The following ADGRA3 variants were observed in gnomAD, a reference collection of about 807,000 sequenced individuals.
ADGRA3 encodes G-protein coupled receptor 125.
A neutral mutation model predicts 119.8 loss-of-function variants in ADGRA3; 56 were observed. That is an observed-to-expected ratio of 0.47 (90% CI 0.38 to 0.58). The LOEUF (loss-of-function observed/expected upper bound fraction) is 0.58, where lower values mean the gene tolerates loss of function less well. ADGRA3 is among the 20% of genes least tolerant of loss of function. The probability of loss-of-function intolerance (pLI) is 0.00; values close to 1 mark genes in which losing one functional copy is unlikely to be tolerated. For missense variants in ADGRA3, 1,516 were observed against 1,649.0 expected, an observed-to-expected ratio of 0.92 and a Z score of 1.40; for synonymous variants, 607 against 623.8, an observed-to-expected ratio of 0.97 and a Z score of 0.40.
Position 22,387,632 on chromosome 4 carries a change from T to C in ADGRA3, c.*73A>G, listed in dbSNP as rs1380795518. On this transcript the variant is annotated 3_prime_UTR_variant, in exon 19 of 19. Coordinates refer to ENST00000334304, the MANE Select transcript of ADGRA3 (RefSeq NM_145290.4). ...TCCCTATGGTGGCTGTAAACAGTTT[T>C]TAAATGCTCATAGCTTCAAGGAATG... 2 of 1,439,586 alleles carry C rather than the reference T, an allele frequency of 1.4e-6. No homozygotes were observed. The highest frequency in any genetic ancestry group is 2.8e-5 in the African/African-American group (2 of 70,284). 89.2% of individuals were successfully genotyped at this position (1,439,586 alleles called of 1,614,324 possible). A position where few individuals can be genotyped will look rare whatever the true frequency, so the allele number is the denominator to read the frequency against.
At chr4:22,502,320 T>C (rs1290779441) in intron 1 of ADGRA3, among the ~76,000 whole-genome samples, 6 of 152,198 alleles carry the variant, frequency 3.9e-5, no homozygotes, top group Admixed American at 1.3e-4. Flanking sequence ...TAAAATGGTC[T>C]AATCTAGGCA....
chr4:22,494,277 T>C (rs1025220600), intron 1 of ADGRA3, among the ~76,000 whole-genome samples: 2 of 151,766 alleles, frequency 1.3e-5, no homozygotes, highest in Non-Finnish European at 2.9e-5. Flanking sequence ...CATGACAGTT[T>C]ACAGATGCCA....
Position 22,399,806 on chromosome 4 carries a change from G to A in ADGRA3, c.2481+1625C>T, listed in dbSNP as rs527919168. ...TTTATTAGTGTCTTGTCTTTCTTTG[G>A]TCATTTATTTTCACATAAATTTAAA... On this transcript the variant is annotated intron_variant, in intron 16 of 18. Coordinates refer to ENST00000334304, the MANE Select transcript of ADGRA3 (RefSeq NM_145290.4). 2.7e-5 allele frequency among the ~76,000 whole-genome samples: 4 copies of A among 149,754 alleles called. No individual in the cohort carries two copies. In the East Asian group the frequency reaches 6.4e-4, roughly 24 times the overall value.
Position 22,462,458 on chromosome 4 carries a change from C to T in ADGRA3, c.330-650G>A, listed in dbSNP as rs895874616. On this transcript the variant is annotated intron_variant, in intron 2 of 18. Transcript: ENST00000334304. Reference sequence around the variant, plus strand: ...CCTCCTGAGTAGAGAGGGTTACAGGCGCCTGTCACCATACCCGGCTAATTT... The same window carrying T: ...CCTCCTGAGTAGAGAGGGTTACAGGTGCCTGTCACCATACCCGGCTAATTT... Among the ~76,000 whole-genome samples, 9 of 152,018 alleles carry T rather than the reference C, an allele frequency of 5.9e-5. No individual in the cohort carries two copies. In the South Asian group the frequency reaches 1.7e-3, roughly 28 times the overall value.
chr4:22,512,679 A>C (rs1277325898), intron 1 of ADGRA3, among the ~76,000 whole-genome samples: 1 of 152,160 alleles, frequency 6.6e-6, no homozygotes, highest in Non-Finnish European at 1.5e-5. Flanking sequence ...ATGCTGCCCC[A>C]AGCCAAGGAA....
chr4:22,501,828 A>G (rs907947177), intron 1 of ADGRA3, among the ~76,000 whole-genome samples: 2 of 152,180 alleles, frequency 1.3e-5, no homozygotes, highest in Non-Finnish European at 2.9e-5. Flanking sequence ...TTAAAAAAAA[A>G]GTATTACAAA....
At chr4:22,467,848 A>G (rs1717715400) in intron 2 of ADGRA3, among the ~76,000 whole-genome samples, 1 of 152,220 alleles carries the variant, frequency 6.6e-6, no homozygotes, top group Non-Finnish European at 1.5e-5. Context: ...TGGATCATTA[A>G]AGCATAAATG....
At chr4:22,491,200 G>C (rs1383305451) in intron 1 of ADGRA3, among the ~76,000 whole-genome samples, 1 of 152,176 alleles carries the variant, frequency 6.6e-6, no homozygotes, top group Non-Finnish European at 1.5e-5. Flanking sequence ...TTAAATGTAA[G>C]GCTGTTAAAA....
intron 1 of ADGRA3, among the ~76,000 whole-genome samples, chr4:22,482,870 T>C (rs1718299278): frequency 2.0e-5 from 3 of 152,176 alleles, no homozygotes; most frequent in South Asian, 2.1e-4. Flanking sequence ...AAGAGGGCCT[T>C]GGGGCAGGAG....
At chr4:22,474,444 A>G (rs1717965896) in intron 1 of ADGRA3, among the ~76,000 whole-genome samples, 1 of 152,182 alleles carries the variant, frequency 6.6e-6, no homozygotes, top group Admixed American at 6.5e-5. Flanking sequence ...TAAATTGAAA[A>G]CAAAAACTGA....
intron 16 of ADGRA3, 95 bp downstream of exon 16, chr4:22,401,336 A>C: frequency 9.2e-7 from 1 of 1,083,568 alleles, no homozygotes; most frequent in Non-Finnish European, 1.3e-6. Flanking sequence ...AGTTAAAGAA[A>C]AGGTATTAAA....
At chr4:22,403,473 C>T (rs1271135804) in intron 14 of ADGRA3, among the ~76,000 whole-genome samples, 4 of 152,008 alleles carry the variant, frequency 2.6e-5, no homozygotes, top group African/African-American at 9.7e-5. Context: ...CACAGTGGCT[C>T]GCACCTGTAA....
chr4:22,404,584 G>A (rs565095511), intron 14 of ADGRA3, among the ~76,000 whole-genome samples: 27 of 152,124 alleles, frequency 1.8e-4, no homozygotes, highest in Non-Finnish European at 3.2e-4. Flanking sequence ...CCATGGTCAG[G>A]CACAGTACCA....
At chr4:22,464,378 T>A (rs544804254) in intron 2 of ADGRA3, among the ~76,000 whole-genome samples, 3 of 152,166 alleles carry the variant, frequency 2.0e-5, no homozygotes, top group Non-Finnish European at 4.4e-5. Flanking sequence ...GAAATACATT[T>A]AAATGGTCAG....
At chr4:22,459,964 G>A (rs1264006848) in intron 3 of ADGRA3, among the ~76,000 whole-genome samples, 3 of 152,118 alleles carry the variant, frequency 2.0e-5, no homozygotes, top group African/African-American at 7.2e-5. Context: ...GTCCCTGACC[G>A]GCCTGATCTC....
rs532513035 is a variant in ADGRA3 at position 22,471,700 on chromosome 4, A to C, written c.329+2072T>G. Among the ~76,000 whole-genome samples the C allele has an allele frequency of 2.2e-4, 33 of 151,902 alleles. No individual in the cohort carries two copies. The South Asian group carries it at 6.2e-3, about 29-fold the overall frequency. On this transcript the variant is annotated intron_variant, in intron 2 of 18. Coordinates refer to ENST00000334304, the MANE Select transcript of ADGRA3 (RefSeq NM_145290.4). ...AAGAGGCCCAGGTCCCAGGGTCAAC[A>C]CTCGGTTTTCACACTGAAGTCCCCA... is the stretch of plus-strand genomic sequence containing the variant.
At chr4:22,497,634 C>A (rs1359423837) in intron 1 of ADGRA3, among the ~76,000 whole-genome samples, 1 of 151,612 alleles carries the variant, frequency 6.6e-6, no homozygotes, top group Non-Finnish European at 1.5e-5. Context: ...CCAGCCCGGC[C>A]AACATGGTGA....
chr4:22,387,815 C>G lies in ADGRA3; in HGVS notation c.3856G>C (p.Ala1286Pro). Residue 1286 changes from alanine (A) to proline (P), a missense_variant, in exon 19 of 19, where the codon GCC (alanine) becomes CCC (proline). Physicochemically the swap from Ala to Pro is conservative, Grantham distance 27. Coordinates refer to ENST00000334304, the MANE Select transcript of ADGRA3 (RefSeq NM_145290.4). ...CTTTTAATTGGTCCATTCTGAATGG[C>G]CAAGTTGAGGCCATAAGATTTTTGC... ...NQQKSYGLNL[A>P]IQNGPIKSNG... The G allele has an allele frequency of 6.2e-7, 1 of 1,614,122 alleles. No individual in the cohort carries two copies. Among genetic ancestry groups the G allele is most frequent in the South Asian group, 1.1e-5 (1 of 91,084 alleles).
chr4:22,488,720 C>G (rs1321133640), intron 1 of ADGRA3, among the ~76,000 whole-genome samples: 1 of 152,156 alleles, frequency 6.6e-6, no homozygotes, highest in Non-Finnish European at 1.5e-5. Flanking sequence ...AGACCTGAGT[C>G]AACCTAAGAA....
Sources: allele counts gnomAD v4.1 joint callset (sites outside exome capture counted in the v4.1 genomes callset), GRCh38; gene constraint gnomAD v4.1.1; transcripts MANE v1.5; gene names NCBI Gene and HGNC (gene_info 2026-07-23, HGNC 2026-07-21).